The following PKIB variants were observed in gnomAD, a reference collection of about 807,000 sequenced individuals.
PKIB encodes the protein cAMP-dependent protein kinase inhibitor beta.
In PKIB, 2 loss-of-function variants were observed where a neutral mutation model predicts 4.5. That is an observed-to-expected ratio of 0.44 (90% CI 0.18 to 1.39). The LOEUF is 1.39. Among genes scored for constraint, PKIB ranks in the 40% most tolerant of loss-of-function variants. PKIB has a pLI of 0.27. For missense variants in PKIB, 94 were observed against 92.6 expected (o/e 1.02, Z -0.06); for synonymous variants, 38 against 36.0 (o/e 1.06, Z -0.20).
At chr6:122,679,965 CACATGT>C (rs1194207535) in intron 3 of PKIB, among the ~76,000 whole-genome samples, 2 of 152,176 alleles carry the variant, frequency 1.3e-5, no homozygotes, top group Non-Finnish European at 2.9e-5. Context: ...TAAACCAAAC[CACATGT>C]ACCTTCTATT....
chr6:122,528,952 T>G (rs532780189), intron 2 of PKIB, among the ~76,000 whole-genome samples: 5 of 152,254 alleles, frequency 3.3e-5, no homozygotes, highest in Non-Finnish European at 7.4e-5. Flanking sequence ...TTACCTCAAA[T>G]GATCACACCG....
intron 2 of PKIB, among the ~76,000 whole-genome samples, chr6:122,553,429 C>G (rs1417871362): frequency 1.4e-5 from 2 of 145,838 alleles, no homozygotes; most frequent in Non-Finnish European, 3.0e-5. Context: ...TCTAGAAATA[C>G]CTGAACTCAT....
intron 3 of PKIB, among the ~76,000 whole-genome samples, chr6:122,588,527 A>G: frequency 6.6e-6 from 1 of 152,202 alleles, no homozygotes; most frequent in Non-Finnish European, 1.5e-5. Context: ...ACTTCAAACT[A>G]TACTACAAGG....
At chr6:122,617,730 G>A (rs774209463) in intron 1 of PKIB, among the ~76,000 whole-genome samples, 4 of 151,996 alleles carry the variant, frequency 2.6e-5, no homozygotes, top group Non-Finnish European at 4.4e-5. Context: ...AATTAAGTTT[G>A]ATGACAACAG....
chr6:122,690,086 T>C (rs900590533), intron 3 of PKIB, among the ~76,000 whole-genome samples: 3 of 152,136 alleles, frequency 2.0e-5, no homozygotes, highest in African/African-American at 7.2e-5. Flanking sequence ...CTTTTTTGAC[T>C]TCCATTAGCA....
intron 2 of PKIB, among the ~76,000 whole-genome samples, chr6:122,493,920 A>G (rs1736073344): frequency 6.6e-6 from 1 of 152,116 alleles, no homozygotes; most frequent in African/African-American, 2.4e-5. Context: ...GCTCTTCTGG[A>G]AAGAAACGGG....
At chr6:122,474,634 C>A (rs984781095) in intron 1 of PKIB, among the ~76,000 whole-genome samples, 32 of 152,166 alleles carry the variant, frequency 2.1e-4, no homozygotes, top group Non-Finnish European at 2.2e-4. Flanking sequence ...TAGACTTTAA[C>A]ATTCAAATAA....
At chr6:122,564,871 T>C (rs2114680267) in intron 2 of PKIB, among the ~76,000 whole-genome samples, 2 of 152,252 alleles carry the variant, frequency 1.3e-5, no homozygotes, top group Admixed American at 1.3e-4. Flanking sequence ...TTGCCGCCAG[T>C]GTTAGGGTTT....
At chr6:122,578,087 G>A (rs1017560071) in intron 2 of PKIB, among the ~76,000 whole-genome samples, 6 of 151,892 alleles carry the variant, frequency 4.0e-5, no homozygotes, top group Non-Finnish European at 7.4e-5. Flanking sequence ...GAAACAATCT[G>A]ATTTATGAGA....
chr6:122,618,118 T>C (rs1489089999), intron 1 of PKIB, among the ~76,000 whole-genome samples: 3 of 152,178 alleles, frequency 2.0e-5, no homozygotes, highest in African/African-American at 7.2e-5. Flanking sequence ...AAAGGCTACA[T>C]TCTAATTTCA....
intron 3 of PKIB, 72 bp from the exon 4 acceptor site, chr6:122,717,715 C>A: frequency 6.8e-7 from 1 of 1,461,582 alleles, no homozygotes. Context: ...TCTAGCCATG[C>A]CTTTCAACCA....
At chr6:122,501,081 C>T (rs1776219290) in intron 2 of PKIB, among the ~76,000 whole-genome samples, 1 of 152,110 alleles carries the variant, frequency 6.6e-6, no homozygotes, top group South Asian at 2.1e-4. Context: ...CAAACCATAT[C>T]ATTCTGCCCC....
At chr6:122,567,433 C>T (rs1773226408) in intron 2 of PKIB, among the ~76,000 whole-genome samples, 1 of 152,186 alleles carries the variant, frequency 6.6e-6, no homozygotes, top group Non-Finnish European at 1.5e-5. Context: ...ATTCCCCAGT[C>T]CTTTGCCATG....
intron 2 of PKIB, among the ~76,000 whole-genome samples, chr6:122,563,899 G>C (rs554871962): frequency 1.1e-4 from 17 of 152,246 alleles, no homozygotes; most frequent in African/African-American, 3.6e-4. Context: ...AGAGAAGAAG[G>C]CTTGGTTCTT....
intron 1 of PKIB, among the ~76,000 whole-genome samples, chr6:122,627,115 C>T (rs1186154293): frequency 1.2e-4 from 18 of 150,164 alleles, no homozygotes; most frequent in Non-Finnish European, 2.5e-4. Context: ...TGCTGGCGGG[C>T]GCCTGTAGTC....
intron 1 of PKIB, among the ~76,000 whole-genome samples, chr6:122,622,451 G>A (rs181861732): frequency 6.6e-6 from 1 of 152,292 alleles, no homozygotes; most frequent in Admixed American, 6.5e-5. Context: ...AACTAGCTCT[G>A]CTCTGATTTT....
intron 2 of PKIB, among the ~76,000 whole-genome samples, chr6:122,497,939 ACT>A (rs1776122783): frequency 1.3e-5 from 2 of 152,182 alleles, no homozygotes; most frequent in East Asian, 1.9e-4. Flanking sequence ...CATGAAACAT[ACT>A]CTCAGATCGA....
chr6:122,563,691 A>C (rs1387171689), intron 2 of PKIB, among the ~76,000 whole-genome samples: 1 of 152,072 alleles, frequency 6.6e-6, no homozygotes, highest in Non-Finnish European at 1.5e-5. Context: ...TTGTGTACCT[A>C]GGAAGATTAT....
At chr6:122,583,965 G>A (rs1773781112) in intron 2 of PKIB, among the ~76,000 whole-genome samples, 1 of 152,014 alleles carries the variant, frequency 6.6e-6, no homozygotes, top group Admixed American at 6.6e-5. Flanking sequence ...GTGTGGGAGT[G>A]TCTAACTTGG....
Sources: allele counts gnomAD v4.1 joint callset (sites outside exome capture counted in the v4.1 genomes callset), GRCh38; gene constraint gnomAD v4.1.1; transcripts MANE v1.5; gene names NCBI Gene and HGNC (gene_info 2026-07-23, HGNC 2026-07-21).